Variants in SORBS2 observed in about 807,000 individuals in gnomAD.
SORBS2 encodes sorbin and SH3 domain-containing protein 2.
In SORBS2, 46 loss-of-function variants were observed where a neutral mutation model predicts 97.7. The ratio of observed to expected loss-of-function variants is 0.47; its 90% CI spans 0.37 to 0.60. The LOEUF (loss-of-function observed/expected upper bound fraction) is 0.60. Ranked by LOEUF, SORBS2 falls within the 20% of genes least tolerant of loss-of-function variation. The pLI, the probability that SORBS2 is intolerant of heterozygous loss-of-function variation, is 0.00. For synonymous variants in SORBS2, 476 were observed against 473.4 expected (o/e 1.01, Z -0.07); for missense variants, 1,316 against 1,282.3 (o/e 1.03, Z -0.40).
intron 5 of SORBS2, among the ~76,000 whole-genome samples, chr4:185,628,157 T>C (rs1021743598): frequency 6.6e-5 from 10 of 152,162 alleles, no homozygotes; most frequent in African/African-American, 2.4e-4. Context: ...ACCTGCTGGT[T>C]TTTGTGTGAA....
chr4:185,782,637 C>A (rs2099036448), intron 1 of SORBS2, among the ~76,000 whole-genome samples: 1 of 152,228 alleles, frequency 6.6e-6, no homozygotes, highest in South Asian at 2.1e-4. Context: ...AGGCCATAGT[C>A]ATTCCAATGG....
At chr4:185,638,837 C>T in intron 4 of SORBS2, 40 bp downstream of exon 14, 1 of 1,420,140 alleles carries the variant, frequency 7.0e-7, no homozygotes, top group East Asian at 2.9e-5. Flanking sequence ...ACCTGCACCT[C>T]TGCCGGGCAT....
chr4:185,948,591 T>C (rs34672412), intron 1 of SORBS2, among the ~76,000 whole-genome samples: 38,370 of 148,748 alleles, frequency 0.26, 5,706 homozygotes, highest in Admixed American at 0.35. Flanking sequence ...AGTCTTGGCT[T>C]ACTGCAACCT....
chr4:185,857,137 G>A (rs1429919077), intron 1 of SORBS2, among the ~76,000 whole-genome samples: 2 of 152,178 alleles, frequency 1.3e-5, no homozygotes, highest in African/African-American at 4.8e-5. Context: ...GGCTGTTGCA[G>A]GAAGTCAGGG....
intron 1 of SORBS2, among the ~76,000 whole-genome samples, chr4:185,799,230 G>C (rs573452913): frequency 2.0e-4 from 31 of 152,174 alleles, no homozygotes; most frequent in Admixed American, 5.9e-4. Flanking sequence ...ACCAAGAAGA[G>C]CCACCTAACA....
intron 1 of SORBS2, among the ~76,000 whole-genome samples, chr4:185,865,489 G>A (rs1579243029): frequency 6.6e-6 from 1 of 152,088 alleles, no homozygotes; most frequent in Middle Eastern, 3.4e-3. Flanking sequence ...CTTGAGAACT[G>A]GTTAAAAAAC....
chr4:185,836,534 G>T (rs138378794), intron 1 of SORBS2, among the ~76,000 whole-genome samples: 136 of 152,296 alleles, frequency 8.9e-4, no homozygotes, highest in Non-Finnish European at 1.9e-3. Flanking sequence ...ACCACCAAGT[G>T]CTTTAGGGAA....
intron 1 of SORBS2, among the ~76,000 whole-genome samples, chr4:185,806,788 A>T (rs1164706076): frequency 2.0e-5 from 3 of 151,756 alleles, no homozygotes; most frequent in Non-Finnish European, 4.4e-5. Context: ...AGTTTGTTGG[A>T]CTCCTTGCGG....
In SORBS2 at chr4:185,617,168, T is replaced by A. The variant is rs139733390; in HGVS notation, c.2351+1417A>T. 1.1e-3 allele frequency among the ~76,000 whole-genome samples: 172 copies of A among 152,364 alleles called. 4 individuals are homozygous for A. The East Asian group carries it at 0.032, about 28-fold the overall frequency. On this transcript the variant is annotated intron_variant, in intron 9 of 14. Coordinates refer to ENST00000418609, the Ensembl canonical transcript of SORBS2. ...TATTTAAGAAAGCTATGGATTGATT[T>A]TTACAAAGAAGAAATGAAACGTGTG...
At chr4:185,653,505 G>A (rs2097347150) in intron 1 of SORBS2, among the ~76,000 whole-genome samples, 1 of 152,086 alleles carries the variant, frequency 6.6e-6, no homozygotes, top group Non-Finnish European at 1.5e-5. Flanking sequence ...CTAGCAATAC[G>A]AATCTGGGCA....
intron 2 of SORBS2, among the ~76,000 whole-genome samples, chr4:185,710,208 T>G (rs2098406042): frequency 6.6e-6 from 1 of 151,992 alleles, no homozygotes; most frequent in African/African-American, 2.4e-5. Context: ...AGATCCCCAG[T>G]AATATTTCAG....
chr4:185,612,786 G>A (rs1462258481), intron 11 of SORBS2, among the ~76,000 whole-genome samples: 1 of 152,056 alleles, frequency 6.6e-6, no homozygotes, highest in Non-Finnish European at 1.5e-5. Context: ...CACTGTGCCC[G>A]GCCCCTTTTC....
rs1169498948 is a variant in SORBS2, at chr4:185,751,188, A to AG, written c.-198+24038_-198+24039insC. Among the ~76,000 whole-genome samples the AG allele has an allele frequency of 1.7e-4, 24 of 138,254 alleles. 1 individual carries two copies. The highest frequency in any genetic ancestry group is 6.5e-4 in the African/African-American group (23 of 35,382). 90.7% of individuals were successfully genotyped at this position (138,254 alleles called of 152,430 possible). On this transcript the variant is annotated intron_variant, in intron 2 of 20. Transcript: ENST00000284776. ...TCTAAATACTAAAAAAAAAAAAAAA[A>AG]AAAGAGAAAGAGAGAGAAATTCAGG...
intron 1 of SORBS2, among the ~76,000 whole-genome samples, chr4:185,885,785 G>C (rs767283122): frequency 2.6e-5 from 4 of 152,120 alleles, no homozygotes; most frequent in Non-Finnish European, 4.4e-5. Context: ...AAGCCAAATC[G>C]TGCTTCACAC....
intron 2 of SORBS2, among the ~76,000 whole-genome samples, chr4:185,721,756 A>G (rs764719745): frequency 2.6e-5 from 4 of 152,362 alleles, no homozygotes; most frequent in Non-Finnish European, 5.9e-5. Flanking sequence ...GGGAAAACAA[A>G]AGCTGTCTTA....
intron 1 of SORBS2, among the ~76,000 whole-genome samples, chr4:185,787,350 C>T (rs75051613): frequency 0.015 from 2,253 of 152,236 alleles, 21 homozygotes; most frequent in Admixed American, 0.026. Context: ...CGTGGACAAA[C>T]TGAACTGATG....
At chr4:185,819,703 C>A (rs776075413) in intron 1 of SORBS2, among the ~76,000 whole-genome samples, 1 of 152,176 alleles carries the variant, frequency 6.6e-6, no homozygotes, top group Non-Finnish European at 1.5e-5. Flanking sequence ...CCCAGGCTGA[C>A]TCGGTGGGTT....
At chr4:185,730,734 C>T (rs953798665) in intron 2 of SORBS2, among the ~76,000 whole-genome samples, 2 of 152,230 alleles carry the variant, frequency 1.3e-5, no homozygotes, top group African/African-American at 4.8e-5. Context: ...AGGTCAGCCC[C>T]TAGAGTCCCA....
intron 2 of SORBS2, among the ~76,000 whole-genome samples, chr4:185,770,713 A>C (rs1023528895): frequency 4.6e-5 from 7 of 152,134 alleles, no homozygotes; most frequent in Non-Finnish European, 7.3e-5. Context: ...AAATAAAACA[A>C]GTACATTGTA....
Sources: gnomAD v4.1 joint callset for allele counts (sites outside exome capture counted in the v4.1 genomes callset) on GRCh38, gnomAD v4.1.1 for gene constraint, MANE v1.5 for transcripts, NCBI Gene and HGNC (gene_info 2026-07-23, HGNC 2026-07-21) for gene names.